The following NEGR1 variants were observed in gnomAD, a reference collection of about 807,000 sequenced individuals.
NEGR1 encodes neuronal growth regulator 1, also known as IgLON family member 4.
Under a neutral mutation model 40.9 loss-of-function variants are expected in NEGR1, and 10 were observed. The ratio of observed to expected loss-of-function variants is 0.24; its 90% CI spans 0.15 to 0.42. The LOEUF (loss-of-function observed/expected upper bound fraction) is 0.42, where lower values mean the gene tolerates loss of function less well. Among genes scored for constraint, NEGR1 ranks in the 10% least tolerant of loss-of-function variants. The probability of loss-of-function intolerance (pLI) is 1.00; values close to 1 mark genes in which losing one functional copy is unlikely to be tolerated. For synonymous variants in NEGR1, 185 were observed against 166.8 expected (o/e 1.11, Z -0.84); for missense variants, 352 against 438.9 (o/e 0.80, Z 1.77).
intron 2 of NEGR1, among the ~76,000 whole-genome samples, chr1:71,801,417 A>G (rs559507262): frequency 1.1e-4 from 17 of 152,200 alleles, no homozygotes; most frequent in Non-Finnish European, 2.2e-4. Context: ...CCTTGGGTTC[A>G]AGATTAGATG....
In NEGR1 at chr1:71,610,932, A is replaced by T; in HGVS notation, c.788+94T>A. ...AGAGGAGGCTGCTGAGAATCATTCA[A>T]GCCAGTTAAAGAAATTGCCTAAAGT... On this transcript the variant is annotated intron_variant, in intron 5 of 6. Transcript: ENST00000357731. The T allele has an allele frequency of 2.3e-6, 3 of 1,306,840 alleles. No individual in the cohort carries two copies. In the South Asian group the frequency reaches 3.9e-5, roughly 17 times the overall value. 81.0% of individuals were successfully genotyped at this position (1,306,840 alleles called of 1,614,324 possible).
chr1:72,032,505 T>G (rs1435403376), intron 1 of NEGR1, among the ~76,000 whole-genome samples: 4 of 152,170 alleles, frequency 2.6e-5, no homozygotes, highest in Non-Finnish European at 4.4e-5. Flanking sequence ...CAGTATTAAT[T>G]AGTCATTTTT....
intron 6 of NEGR1, among the ~76,000 whole-genome samples, chr1:71,501,299 G>A (rs12082895): frequency 0.02 from 3,065 of 152,038 alleles, 91 homozygotes; most frequent in African/African-American, 0.07. Context: ...TAAAATTAAT[G>A]CATTATTTGT....
At chr1:72,224,937 T>C (rs1283467990) in intron 1 of NEGR1, among the ~76,000 whole-genome samples, 3 of 152,068 alleles carry the variant, frequency 2.0e-5, no homozygotes, top group Admixed American at 2.0e-4. Flanking sequence ...AGGTTATAGT[T>C]ATTTCAATGG....
At chr1:71,628,923 T>C (rs1294145709) in intron 4 of NEGR1, among the ~76,000 whole-genome samples, 1 of 152,154 alleles carries the variant, frequency 6.6e-6, no homozygotes, top group Non-Finnish European at 1.5e-5. Flanking sequence ...CATTTGGGTA[T>C]ACACCTAGCA....
chr1:71,810,798 C>T (rs914170015), intron 2 of NEGR1, among the ~76,000 whole-genome samples: 3 of 152,070 alleles, frequency 2.0e-5, no homozygotes, highest in Non-Finnish European at 4.4e-5. Flanking sequence ...TTCCTCTTTG[C>T]CTTCCACCAT....
intron 2 of NEGR1, among the ~76,000 whole-genome samples, chr1:71,811,428 G>C (rs1570379477): frequency 6.6e-6 from 1 of 151,874 alleles, no homozygotes; most frequent in East Asian, 1.9e-4. Flanking sequence ...CAGATCCAAT[G>C]TCACCTCCTT....
At chr1:71,823,794 T>C (rs1170067141) in intron 2 of NEGR1, among the ~76,000 whole-genome samples, 1 of 152,098 alleles carries the variant, frequency 6.6e-6, no homozygotes, top group East Asian at 1.9e-4. Context: ...ATTTACCACC[T>C]GCCCATTTAC....
intron 1 of NEGR1, among the ~76,000 whole-genome samples, chr1:72,181,943 A>G (rs1432215700): frequency 1.3e-5 from 2 of 152,152 alleles, no homozygotes; most frequent in African/African-American, 4.8e-5. Flanking sequence ...AAAGTAGCAG[A>G]TGTGTAGAAT....
rs552097111 is a variant in NEGR1 at position 71,545,353 on chromosome 1, C to T, written c.940+47464G>A. 5.5e-4 allele frequency among the ~76,000 whole-genome samples: 83 copies of T among 151,776 alleles called. No individual in the cohort carries two copies. The South Asian group carries it at 6.2e-3, about 11-fold the overall frequency. Reference sequence around the variant, plus strand: ...GGAGTTTTTCTGGCTTTCATGGCAACTGCCAAATAGGTTTGGTAGGCAAGA... The same window carrying T: ...GGAGTTTTTCTGGCTTTCATGGCAATTGCCAAATAGGTTTGGTAGGCAAGA... On this transcript the variant is annotated intron_variant, in intron 6 of 6. Transcript: ENST00000357731.
At chr1:72,279,813 T>C (rs1013090465) in intron 1 of NEGR1, among the ~76,000 whole-genome samples, 2 of 152,090 alleles carry the variant, frequency 1.3e-5, no homozygotes, top group South Asian at 4.1e-4. Context: ...ACTGACAATA[T>C]TTAACATTTT....
chr1:71,911,722 G>T (rs576815680), intron 2 of NEGR1, among the ~76,000 whole-genome samples: 1 of 152,266 alleles, frequency 6.6e-6, no homozygotes, highest in East Asian at 1.9e-4. Flanking sequence ...AAATAAACAG[G>T]TATATTGAGA....
intron 1 of NEGR1, among the ~76,000 whole-genome samples, chr1:71,993,096 C>T (rs1420757409): frequency 2.0e-5 from 3 of 152,154 alleles, no homozygotes. Context: ...TTCTATGAGG[C>T]AAATTGCTCA....
intron 2 of NEGR1, among the ~76,000 whole-genome samples, chr1:71,871,160 G>A (rs1056181493): frequency 6.6e-6 from 1 of 152,156 alleles, no homozygotes; most frequent in Non-Finnish European, 1.5e-5. Flanking sequence ...ACGTTTCAGT[G>A]ACTTGGGAGT....
At chr1:71,853,419 T>C (rs1429011483) in intron 2 of NEGR1, among the ~76,000 whole-genome samples, 3 of 152,124 alleles carry the variant, frequency 2.0e-5, no homozygotes, top group Non-Finnish European at 4.4e-5. Flanking sequence ...TTATAAGCTA[T>C]GTTTAGAAGT....
intron 1 of NEGR1, among the ~76,000 whole-genome samples, chr1:72,129,676 G>T (rs911947385): frequency 6.6e-6 from 1 of 152,048 alleles, no homozygotes; most frequent in Non-Finnish European, 1.5e-5. Flanking sequence ...ATGTATTTGG[G>T]GTTAATTCCA....
At chr1:71,641,448 G>C (rs1651347495) in intron 4 of NEGR1, among the ~76,000 whole-genome samples, 1 of 152,010 alleles carries the variant, frequency 6.6e-6, no homozygotes, top group Non-Finnish European at 1.5e-5. Context: ...GCATGAAAAA[G>C]CATGATGGTG....
At chr1:71,857,716 A>G (rs1659825478) in intron 2 of NEGR1, among the ~76,000 whole-genome samples, 1 of 151,638 alleles carries the variant, frequency 6.6e-6, no homozygotes, top group Non-Finnish European at 1.5e-5. Context: ...TTCATCAGTA[A>G]TAAAGCTCTA....
At chr1:71,692,303 T>C (rs915708926) in intron 4 of NEGR1, among the ~76,000 whole-genome samples, 3 of 151,394 alleles carry the variant, frequency 2.0e-5, no homozygotes, top group Non-Finnish European at 3.0e-5. Context: ...AAAAAAAACA[T>C]AAAATACAGA....
Sources: allele counts gnomAD v4.1 joint callset (sites outside exome capture counted in the v4.1 genomes callset), GRCh38; gene constraint gnomAD v4.1.1; transcripts MANE v1.5; gene names NCBI Gene and HGNC (gene_info 2026-07-23, HGNC 2026-07-21).